MCTP2: variants seen among roughly 807,000 people sequenced by gnomAD.
MCTP2 encodes multiple C2 and transmembrane domain containing 2.
A neutral mutation model predicts 111.6 loss-of-function variants in MCTP2; 132 were observed. The ratio of observed to expected loss-of-function variants is 1.18; its 90% confidence interval spans 1.03 to 1.37. The LOEUF is 1.37. Ranked by LOEUF, MCTP2 falls within the 40% of genes most tolerant of loss-of-function variation. MCTP2 has a pLI of 0.00. For synonymous variants in MCTP2, 395 were observed against 387.7 expected, an observed-to-expected ratio of 1.02 and a Z score of -0.22; for missense variants, 1,183 against 1,067.9, an observed-to-expected ratio of 1.11 and a Z score of -1.50.
intron 17 of MCTP2, among the ~76,000 whole-genome samples, chr15:94,416,028 G>T (rs1382867165): frequency 6.6e-6 from 1 of 152,128 alleles, no homozygotes; most frequent in African/African-American, 2.4e-5. Context: ...CTGTGTTGCT[G>T]CTGTAGGAAG....
chr15:94,318,125 C>A (rs2076456551), intron 4 of MCTP2, among the ~76,000 whole-genome samples: 1 of 151,982 alleles, frequency 6.6e-6, no homozygotes, highest in South Asian at 2.1e-4. Context: ...TTACTTTTGT[C>A]AAAAATGATT....
At position 94,321,867 on chromosome 15, in the gene MCTP2, T is replaced by C. The variant is rs373557516; in HGVS notation, c.637+6230T>C. 2.0e-5 allele frequency among the ~76,000 whole-genome samples: 3 copies of C among 152,208 alleles called. No homozygotes were observed. The South Asian group carries it at 6.2e-4, about 32-fold the overall frequency. On this transcript the variant is annotated intron_variant, in intron 4 of 22. Coordinates refer to ENST00000357742, the MANE Select transcript of MCTP2 (RefSeq NM_001385001.1). Reference sequence around the variant, plus strand: ...GTATATGTATTATATACTGTATTCTTATAATAAGGTAAGCTAGAGAAGAAG... The same window carrying C: ...GTATATGTATTATATACTGTATTCTCATAATAAGGTAAGCTAGAGAAGAAG...
At chr15:94,411,508 C>G (rs2152485690) in intron 17 of MCTP2, among the ~76,000 whole-genome samples, 1 of 152,282 alleles carries the variant, frequency 6.6e-6, no homozygotes, top group South Asian at 2.1e-4. Flanking sequence ...GTGACAGTTA[C>G]TAGAGAGCCC....
At chr15:94,416,311 G>A (rs539688257) in intron 17 of MCTP2, among the ~76,000 whole-genome samples, 4 of 151,654 alleles carry the variant, frequency 2.6e-5, no homozygotes, top group Non-Finnish European at 4.4e-5. Flanking sequence ...CACACTTTTC[G>A]GCTGACGGCA....
chr15:94,412,094 C>T (rs1477078809), intron 17 of MCTP2, among the ~76,000 whole-genome samples: 3 of 152,182 alleles, frequency 2.0e-5, no homozygotes, highest in Non-Finnish European at 4.4e-5. Context: ...GAGGGGCTTT[C>T]ATGGTCAGTC....
At position 94,361,084 on chromosome 15, in the gene MCTP2, G is replaced by GCT. The variant is rs2078909180; in HGVS notation, c.1301+2472_1301+2473insCT. 2.4e-4 allele frequency among the ~76,000 whole-genome samples: 2 copies of GCT among 8,400 alleles called. 1 individual carries two copies. Among genetic ancestry groups the GCT allele is most frequent in the Non-Finnish European group, 5.2e-4 (2 of 3,812 alleles). 5.5% of individuals were successfully genotyped at this position (8,400 alleles called of 152,430 possible). ...CCTGGCTATTGTTTAAATATTTCAA[G>GCT]TTTTTTTTTTTTTTTTTTTTTTTTT... is the stretch of plus-strand genomic sequence containing the variant. On this transcript the variant is annotated intron_variant, in intron 10 of 22. Transcript: ENST00000357742.
At chr15:94,357,165 C>T (rs990361848) in intron 9 of MCTP2, among the ~76,000 whole-genome samples, 16 of 152,120 alleles carry the variant, frequency 1.1e-4, no homozygotes, top group African/African-American at 3.4e-4. Flanking sequence ...AGAGGTTGTG[C>T]GCACTGCACA....
At chr15:94,243,776 A>G (rs1464810122) in intron 1 of MCTP2, among the ~76,000 whole-genome samples, 1 of 146,078 alleles carries the variant, frequency 6.8e-6, no homozygotes. Flanking sequence ...TATATTTATG[A>G]ACATATATAT....
rs546149218 is a variant in MCTP2, at chr15:94,483,815, A to G, written c.*4781A>G. On this transcript the variant is annotated 3_prime_UTR_variant, in exon 23 of 23. Coordinates refer to ENST00000357742, the MANE Select transcript of MCTP2 (RefSeq NM_001385001.1). The stretch of plus-strand genomic sequence containing the variant: ...CAAGCCTCTCTGACACAGTTTACCT[A>G]TGTAACAAACCTGCACAGTTACCCC... The G allele has an allele frequency of 7.2e-5, 11 of 152,314 alleles. No individual in the cohort carries two copies. Among genetic ancestry groups the G allele is most frequent in the African/African-American group, 2.6e-4 (11 of 41,564 alleles). The allele number at this position is 152,314 out of a possible 1,614,324, so 9.4% of individuals were successfully genotyped here. A position where few individuals can be genotyped will look rare whatever the true frequency, so the allele number is the denominator to read the frequency against.
At chr15:94,309,221 G>T (rs189579869) in intron 2 of MCTP2, among the ~76,000 whole-genome samples, 1 of 152,094 alleles carries the variant, frequency 6.6e-6, no homozygotes. Flanking sequence ...TAGTGGAGCC[G>T]TCTGATTCCT....
chr15:94,440,393 G>A (rs1338572527), intron 18 of MCTP2, 95 bp downstream of exon 18: 43 of 1,526,430 alleles, frequency 2.8e-5, no homozygotes, highest in South Asian at 7.3e-5. Flanking sequence ...AGTCCATTTC[G>A]TTTGAGGTGT....
chr15:94,404,273 T>C (rs1199891372), intron 17 of MCTP2, among the ~76,000 whole-genome samples: 7 of 152,106 alleles, frequency 4.6e-5, no homozygotes, highest in African/African-American at 1.7e-4. Flanking sequence ...GAATAATAAA[T>C]GTATTTCAGT....
At chr15:94,416,070 G>C (rs554976076) in intron 17 of MCTP2, among the ~76,000 whole-genome samples, 1 of 152,042 alleles carries the variant, frequency 6.6e-6, no homozygotes, top group African/African-American at 2.4e-5. Flanking sequence ...ATTCCACCTC[G>C]AGCATTTTCT....
chr15:94,315,539 A>C lies in MCTP2; in HGVS notation c.539A>C (p.Glu180Ala), dbSNP rs142093007. ...QHFEEQSVPG[E>A]ASDGLSNLPS... is the part of the protein sequence containing the mutation. ...TCTCCATCTGTGCAGGTACCGGGGG[A>C]AGCCAGTGATGGCTTGAGTAACCTC... is the stretch of plus-strand genomic sequence containing the variant. The change falls in exon 4 of 23, where the codon GAA becomes GCA. Residue 180 changes from glutamate (E) to alanine (A), a missense_variant. Coordinates refer to ENST00000357742, the MANE Select transcript of MCTP2 (RefSeq NM_001385001.1). 3.9e-5 allele frequency: 63 copies of C among 1,613,392 alleles called. No individual in the cohort carries two copies. In the African/African-American group the frequency reaches 4.1e-4, roughly 11 times the overall value.
chr15:94,402,584 G>T (rs894486390), intron 17 of MCTP2: 2 of 1,551,316 alleles, frequency 1.3e-6, no homozygotes, highest in Non-Finnish European at 8.7e-7. Flanking sequence ...GAATCAAAGC[G>T]CTGCAAGAGA....
At chr15:94,333,421 A>G (rs2077217871) in intron 4 of MCTP2, among the ~76,000 whole-genome samples, 2 of 151,914 alleles carry the variant, frequency 1.3e-5, no homozygotes, top group Non-Finnish European at 2.9e-5. Context: ...CTTTTTTTTA[A>G]AAACCATTGC....
intron 4 of MCTP2, among the ~76,000 whole-genome samples, chr15:94,318,289 T>A (rs1263184969): frequency 2.0e-3 from 30 of 15,100 alleles, no homozygotes; most frequent in African/African-American, 6.2e-3. Flanking sequence ...TTTTTTTTTT[T>A]TTTTTTTTTT....
intron 1 of MCTP2, among the ~76,000 whole-genome samples, chr15:94,297,749 G>C (rs1323175185): frequency 1.3e-5 from 2 of 152,200 alleles, no homozygotes; most frequent in African/African-American, 4.8e-5. Context: ...GGCCCACCAA[G>C]TCTAAAATAT....
intron 1 of MCTP2, among the ~76,000 whole-genome samples, chr15:94,268,311 G>C (rs553291594): frequency 6.6e-6 from 1 of 150,922 alleles, no homozygotes; most frequent in South Asian, 2.1e-4. Context: ...CTCCTGAGTA[G>C]TTGGGATTAC....
Sources: gnomAD v4.1 joint callset for allele counts (sites outside exome capture counted in the v4.1 genomes callset) on GRCh38, gnomAD v4.1.1 for gene constraint, MANE v1.5 for transcripts, NCBI Gene and HGNC (gene_info 2026-07-23, HGNC 2026-07-21) for gene names.